The following CDH12 variants were observed in gnomAD, a reference collection of about 807,000 sequenced individuals.
The protein encoded by CDH12 is cadherin-12.
CDH12 carries 41 observed loss-of-function variants against 74.1 expected under a neutral mutation model. That is an observed-to-expected ratio of 0.55 (90% CI 0.43 to 0.72). The LOEUF is 0.72. Ranked by LOEUF, CDH12 falls within the 30% of genes least tolerant of loss-of-function variation. CDH12 has a pLI of 0.00. For synonymous variants in CDH12, 399 were observed against 355.0 expected (o/e 1.12, Z -1.39); for missense variants, 945 against 977.2 (o/e 0.97, Z 0.44).
At chr5:22,193,158 TTTTG>T (rs779499511) in intron 4 of CDH12, among the ~76,000 whole-genome samples, 21 of 152,312 alleles carry the variant, frequency 1.4e-4, no homozygotes, top group Admixed American at 3.3e-4. Flanking sequence ...TTTTGTTTGT[TTTTG>T]TTTGTTTGTT....
At chr5:22,256,430 G>A (rs1753321690) in intron 3 of CDH12, among the ~76,000 whole-genome samples, 1 of 152,126 alleles carries the variant, frequency 6.6e-6, no homozygotes, top group South Asian at 2.1e-4. Context: ...TTCTATAAAA[G>A]TATAGCACAT....
intron 8 of CDH12, among the ~76,000 whole-genome samples, chr5:21,831,483 G>A (rs948009854): frequency 2.0e-5 from 3 of 152,064 alleles, no homozygotes; most frequent in South Asian, 4.1e-4. Flanking sequence ...TATAATGATC[G>A]CCCTATTCTC....
intron 1 of CDH12, among the ~76,000 whole-genome samples, chr5:22,575,861 G>C (rs1467464566): frequency 6.6e-6 from 1 of 151,650 alleles, no homozygotes; most frequent in East Asian, 1.9e-4. Flanking sequence ...CACTGCGCCT[G>C]GCCTTATTTT....
At chr5:21,914,777 G>A (rs115015456) in intron 6 of CDH12, among the ~76,000 whole-genome samples, 2,516 of 152,258 alleles carry the variant, frequency 0.017, 65 homozygotes, top group African/African-American at 0.056. Flanking sequence ...AACTATATCT[G>A]TAAAATATCT....
intron 6 of CDH12, among the ~76,000 whole-genome samples, chr5:21,935,729 C>T (rs190017116): frequency 4.9e-4 from 74 of 152,250 alleles, no homozygotes; most frequent in Middle Eastern, 3.4e-3. Context: ...TAGTCTGCCC[C>T]GCTTTCCTCC....
At chr5:21,871,159 A>G (rs1751597983) in intron 6 of CDH12, among the ~76,000 whole-genome samples, 1 of 152,182 alleles carries the variant, frequency 6.6e-6, no homozygotes, top group Admixed American at 6.5e-5. Context: ...AGTGAGGGCT[A>G]AGAATTCTCC....
chr5:22,640,311 C>A lies in CDH12; in HGVS notation c.-522-134947G>T, dbSNP rs1161405423. The stretch of plus-strand genomic sequence containing the variant: ...ATATACAAAATACCTTTGAAAATAG[C>A]AAGTGATTTCAGAAAATCTAACACT... On this transcript the variant is annotated intron_variant, in intron 1 of 14. Transcript: ENST00000382254. Among the ~76,000 whole-genome samples, 9 of 152,280 alleles carry A rather than the reference C, an allele frequency of 5.9e-5. No homozygotes were observed. The South Asian group carries it at 1.9e-3, about 32-fold the overall frequency.
intron 2 of CDH12, among the ~76,000 whole-genome samples, chr5:22,459,225 T>C (rs1177952169): frequency 6.6e-6 from 1 of 152,066 alleles, no homozygotes; most frequent in Non-Finnish European, 1.5e-5. Flanking sequence ...TTTGTTTGCT[T>C]TTCTGAATTT....
intron 3 of CDH12, among the ~76,000 whole-genome samples, chr5:22,280,969 C>T (rs1214669297): frequency 6.6e-6 from 1 of 152,092 alleles, no homozygotes; most frequent in African/African-American, 2.4e-5. Context: ...ATGCAAAAAT[C>T]CTCAATAAAA....
chr5:22,438,362 T>C (rs145187229), intron 2 of CDH12, among the ~76,000 whole-genome samples: 1 of 152,166 alleles, frequency 6.6e-6, no homozygotes, highest in African/African-American at 2.4e-5. Context: ...TTGATAGAAT[T>C]TGGTAGATCC....
intron 3 of CDH12, among the ~76,000 whole-genome samples, chr5:22,341,254 T>A (rs568906458): frequency 2.6e-4 from 40 of 152,228 alleles, no homozygotes; most frequent in African/African-American, 9.6e-4. Context: ...ATAAGTGAGG[T>A]AGGAGAATTC....
intron 1 of CDH12, among the ~76,000 whole-genome samples, chr5:22,620,629 A>C (rs1737924783): frequency 1.3e-5 from 2 of 152,114 alleles, no homozygotes; most frequent in South Asian, 4.1e-4. Context: ...AGGGTTCATT[A>C]TTCTGTATAT....
In CDH12 at chr5:22,169,903, T is replaced by C. The variant is rs531412372; in HGVS notation, c.-187+42595A>G. 5.1e-4 allele frequency among the ~76,000 whole-genome samples: 78 copies of C among 152,032 alleles called. 1 individual carries two copies. Among genetic ancestry groups the C allele is most frequent in the African/African-American group, 1.9e-3 (78 of 41,530 alleles). On this transcript the variant is annotated intron_variant, in intron 4 of 14. Coordinates refer to ENST00000382254, the MANE Select transcript of CDH12 (RefSeq NM_004061.5). ...TCCTGAGCCATGTGTACTGAAAATATAGGTTCTATACTTGTTAATATATGT... is the reference window on the plus strand; with the variant it reads ...TCCTGAGCCATGTGTACTGAAAATACAGGTTCTATACTTGTTAATATATGT...
chr5:22,212,935 A>C (rs1471120151), intron 3 of CDH12, among the ~76,000 whole-genome samples: 2 of 152,132 alleles, frequency 1.3e-5, no homozygotes, highest in Non-Finnish European at 2.9e-5. Flanking sequence ...AACTACAACT[A>C]TGATTATGAT....
chr5:22,501,343 C>A (rs910197519), intron 2 of CDH12, among the ~76,000 whole-genome samples: 1 of 151,936 alleles, frequency 6.6e-6, no homozygotes, highest in African/African-American at 2.4e-5. Flanking sequence ...ACTGGGATAC[C>A]TTTTTTAATG....
intron 1 of CDH12, among the ~76,000 whole-genome samples, chr5:22,651,778 T>A (rs1739754599): frequency 6.6e-6 from 1 of 151,864 alleles, no homozygotes; most frequent in South Asian, 2.1e-4. Context: ...CAAATCTGAA[T>A]AAAAAGCCAA....
At chr5:21,884,938 T>A (rs971085000) in intron 6 of CDH12, among the ~76,000 whole-genome samples, 2 of 152,022 alleles carry the variant, frequency 1.3e-5, no homozygotes, top group Admixed American at 1.3e-4. Flanking sequence ...CAGGCTGGAG[T>A]GCAATGGCGT....
At chr5:22,375,035 C>T (rs1183380253) in intron 3 of CDH12, among the ~76,000 whole-genome samples, 1 of 152,056 alleles carries the variant, frequency 6.6e-6, no homozygotes, top group African/African-American at 2.4e-5. Flanking sequence ...ATAGGCATCA[C>T]ACTACCTGAC....
chr5:22,643,917 A>G (rs1293976877), intron 1 of CDH12, among the ~76,000 whole-genome samples: 1 of 151,872 alleles, frequency 6.6e-6, no homozygotes, highest in Non-Finnish European at 1.5e-5. Context: ...ATTGTGATCT[A>G]TGATCAATGA....
Sources: allele counts gnomAD v4.1 joint callset (sites outside exome capture counted in the v4.1 genomes callset), GRCh38; gene constraint gnomAD v4.1.1; transcripts MANE v1.5; gene names NCBI Gene and HGNC (gene_info 2026-07-23, HGNC 2026-07-21).